XYLB: variants seen among roughly 807,000 people sequenced by gnomAD.
XYLB encodes the protein xylulose kinase.
Under a neutral mutation model 78.7 loss-of-function variants are expected in XYLB, and 62 were observed. That is an observed-to-expected ratio of 0.79 (90% CI 0.64 to 0.97). The LOEUF is 0.97. Among genes scored for constraint, XYLB ranks in the 50% least tolerant of loss-of-function variants. The pLI, the probability that XYLB is intolerant of heterozygous loss-of-function variation, is 0.00. For synonymous variants in XYLB, 245 were observed against 247.4 expected, an observed-to-expected ratio of 0.99 and a Z score of 0.09; for missense variants, 687 against 676.8, an observed-to-expected ratio of 1.02 and a Z score of -0.17.
the XYLB span, among the ~76,000 whole-genome samples, chr3:38,434,766 T>C: frequency 6.6e-6 from 1 of 152,118 alleles, no homozygotes; most frequent in Non-Finnish European, 1.5e-5. Flanking sequence ...AACAACAATA[T>C]GATAGGAACA....
At position 38,365,204 on chromosome 3, in the gene XYLB, C is replaced by T. The variant is rs549331317; in HGVS notation, c.297C>T (p.His99=). Residue 99 remains histidine, a synonymous_variant, in exon 5 of 19, where the codon CAC becomes CAT. Coordinates refer to ENST00000207870, the MANE Select transcript of XYLB (RefSeq NM_005108.4). ...GTGCTTGGGTTTCCCAACAGCAACA[C>T]GGAAGTATATACTGGAAGGCTGGAG... ...VLALSGAGQQ[H]GSIYWKAGAQ... The T allele has an allele frequency of 4.8e-5, 77 of 1,614,142 alleles. No individual in the cohort carries two copies. The highest frequency in any genetic ancestry group is 2.3e-4 in the African/African-American group (17 of 75,034).
At chr3:38,380,958 T>C (rs1707114862) in intron 15 of XYLB, among the ~76,000 whole-genome samples, 2 of 152,156 alleles carry the variant, frequency 1.3e-5, no homozygotes, top group South Asian at 4.1e-4. Context: ...GGGGTCTCTG[T>C]ACATCAAATT....
At chr3:38,433,810 C>T in the XYLB span, among the ~76,000 whole-genome samples, 1 of 152,176 alleles carries the variant, frequency 6.6e-6, no homozygotes, top group Admixed American at 6.5e-5. Flanking sequence ...CCATTCTGAC[C>T]TCTGCCTCTT....
downstream of XYLB, among the ~76,000 whole-genome samples, chr3:38,421,686 C>T (rs568456920): frequency 4.6e-5 from 7 of 151,994 alleles, no homozygotes; most frequent in Admixed American, 2.6e-4. Context: ...ACACAGATGA[C>T]GAGGAGGAGG....
At chr3:38,423,012 A>G (rs1709026695), downstream of XYLB, among the ~76,000 whole-genome samples, 1 of 152,154 alleles carries the variant, frequency 6.6e-6, no homozygotes, top group South Asian at 2.1e-4. Flanking sequence ...TTACTGAACA[A>G]TTAGAAAAAG....
chr3:38,402,738 G>A (rs1234571654), intron 18 of XYLB, among the ~76,000 whole-genome samples: 3 of 152,052 alleles, frequency 2.0e-5, no homozygotes, highest in East Asian at 3.9e-4. Flanking sequence ...GACCAAAATG[G>A]CTTTATAATC....
chr3:38,437,205 A>G, the XYLB span, among the ~76,000 whole-genome samples: 1 of 152,138 alleles, frequency 6.6e-6, no homozygotes, highest in African/African-American at 2.4e-5. Context: ...AAAGCATTTG[A>G]TAAAATTCAA....
At chr3:38,405,814 C>T (rs936142858) in intron 18 of XYLB, among the ~76,000 whole-genome samples, 23 of 152,210 alleles carry the variant, frequency 1.5e-4, no homozygotes, top group Non-Finnish European at 2.9e-4. Context: ...AACTGCAAGG[C>T]GGCAGCCAGG....
At chr3:38,425,324 T>A (rs1307883038), downstream of XYLB, among the ~76,000 whole-genome samples, 2 of 152,218 alleles carry the variant, frequency 1.3e-5, no homozygotes, top group Non-Finnish European at 2.9e-5. Context: ...TAGCTATATT[T>A]TTCTCTATAT....
At chr3:38,357,786 GATA>G (rs10581895) in intron 2 of XYLB, among the ~76,000 whole-genome samples, 150,597 of 152,202 alleles carry the variant, frequency 0.99, 74,525 homozygotes, top group South Asian at 1. Flanking sequence ...TTTATCTAAT[GATA>G]ATAATGATGT....
At chr3:38,370,014 C>T in intron 8 of XYLB, 42 bp from the exon 9 acceptor site, 2 of 1,553,872 alleles carry the variant, frequency 1.3e-6, no homozygotes, top group Non-Finnish European at 1.8e-6. Context: ...ACAAAAGGTC[C>T]ATTTTCAAGA....
chr3:38,367,377 T>C (rs1706321607), intron 7 of XYLB, among the ~76,000 whole-genome samples: 1 of 152,238 alleles, frequency 6.6e-6, no homozygotes, highest in Non-Finnish European at 1.5e-5. Context: ...CACTTGTTGC[T>C]GCCTGAGAAA....
chr3:38,441,325 C>T, the XYLB span, among the ~76,000 whole-genome samples: 3 of 152,228 alleles, frequency 2.0e-5, no homozygotes, highest in African/African-American at 4.8e-5. Flanking sequence ...ACTAACTGAT[C>T]GCTGGTCCCT....
At chr3:38,377,087 A>G in intron 14 of XYLB, 96 bp downstream of exon 14, 1 of 1,073,828 alleles carries the variant, frequency 9.3e-7, no homozygotes, top group Admixed American at 1.9e-5. Flanking sequence ...TAGGGACTTC[A>G]TTCATTCACT....
intron 2 of XYLB, among the ~76,000 whole-genome samples, chr3:38,358,338 TG>T (rs1212540065): frequency 7.5e-5 from 6 of 79,560 alleles, no homozygotes; most frequent in South Asian, 7.6e-4. Context: ...TGTGTGTGTG[TG>T]TGTGTGTGTG....
chr3:38,386,769 A>G (rs1575507540), intron 15 of XYLB, among the ~76,000 whole-genome samples: 1 of 152,218 alleles, frequency 6.6e-6, no homozygotes, highest in Non-Finnish European at 1.5e-5. Flanking sequence ...CTAAAGGGAA[A>G]ATCATACCAG....
chr3:38,422,181 T>C (rs981781173), downstream of XYLB, among the ~76,000 whole-genome samples: 6 of 152,358 alleles, frequency 3.9e-5, no homozygotes, highest in South Asian at 6.2e-4. Flanking sequence ...GGATCACTTC[T>C]AGGTAGGTCT....
At chr3:38,415,770 ACT>A (rs1011513288), downstream of XYLB, among the ~76,000 whole-genome samples, 2 of 152,004 alleles carry the variant, frequency 1.3e-5, no homozygotes, top group African/African-American at 4.8e-5. Flanking sequence ...CAACAGTGAG[ACT>A]CTGTCTCAAA....
downstream of XYLB, among the ~76,000 whole-genome samples, chr3:38,419,845 G>T (rs1708921188): frequency 6.6e-6 from 1 of 150,900 alleles, no homozygotes; most frequent in South Asian, 2.1e-4. Context: ...TTTTTAGATG[G>T]AGTCTTGCTC....
Sources: gnomAD v4.1 joint callset for allele counts (sites outside exome capture counted in the v4.1 genomes callset) on GRCh38, gnomAD v4.1.1 for gene constraint, MANE v1.5 for transcripts, NCBI Gene and HGNC (gene_info 2026-07-23, HGNC 2026-07-21) for gene names.